BCOR: variants seen among roughly 807,000 people sequenced by gnomAD.
The protein encoded by BCOR is BCL6 corepressor, also known as BCL-6 corepressor.
A neutral mutation model predicts 86.7 loss-of-function variants in BCOR; 10 were observed. The observed-to-expected ratio is 0.12, with a 90% CI of 0.07 to 0.20. BCOR has a LOEUF of 0.20. BCOR is among the 10% of genes least tolerant of loss of function. BCOR has a pLI of 1.00. For missense variants in BCOR, 1,259 were observed against 1,452.1 expected, an observed-to-expected ratio of 0.87 and a Z score of 2.16; for synonymous variants, 611 against 609.0, an observed-to-expected ratio of 1.00 and a Z score of -0.05.
chrX:40,139,396 TATATATATATATATATATAATATATATAC>T lies in BCOR; in HGVS notation c.-41+37582_-41+37610del, dbSNP rs1569192160. Among the ~76,000 whole-genome samples the T allele has an allele frequency of 1.0e-3, 11 of 10,912 alleles. 3 individuals are homozygous for T. The South Asian group carries it at 0.011, about 11-fold the overall frequency. 9.5% of individuals were successfully genotyped at this position (10,912 alleles called of 115,157 possible). A position where few individuals can be genotyped will look rare whatever the true frequency, so the allele number is the denominator to read the frequency against. On this transcript the variant is annotated intron_variant, in intron 1 of 14. Coordinates refer to the BCOR transcript ENST00000342274. ...TATATATATATATAATATATATACA[TATATATATATATATATATAATATATATAC>T]ATATATATATATATATATATAATAT...
intron 1 of BCOR, among the ~76,000 whole-genome samples, chrX:40,156,018 G>A (rs960914732): frequency 8.8e-6 from 1 of 113,349 alleles, no homozygotes; most frequent in African/African-American, 3.2e-5. Flanking sequence ...AGCTCACTTA[G>A]GAATCCGCGC....
At chrX:40,113,059 C>T (rs1196269758) in intron 1 of BCOR, among the ~76,000 whole-genome samples, 1 of 106,165 alleles carries the variant, frequency 9.4e-6, no homozygotes, top group Non-Finnish European at 1.9e-5. Flanking sequence ...CCTACATCCA[C>T]CTGAGGCCAG....
At chrX:40,076,874 A>G (rs1935831703) in intron 2 of BCOR, 1 of 330,042 alleles carries the variant, frequency 3.0e-6, no homozygotes, top group African/African-American at 2.6e-5. Flanking sequence ...CGGCTGTCCC[A>G]GCCAACCCTT....
intron 9 of BCOR, 108 bp from the exon 10 acceptor site, chrX:40,062,501 A>C: frequency 1.1e-6 from 1 of 944,452 alleles, no homozygotes; most frequent in Non-Finnish European, 1.5e-6. Context: ...GAGGCACTTT[A>C]TTCCTTATCT....
At chrX:40,127,909 T>TAAATAAATAAA (rs397716132) in intron 1 of BCOR, among the ~76,000 whole-genome samples, 6 of 96,599 alleles carry the variant, frequency 6.2e-5, no homozygotes, top group East Asian at 3.1e-4. Flanking sequence ...AATAAATAAA[T>TAAATAAATAAA]TTAAAAAAAA....
At chrX:40,123,380 T>G (rs1175907969) in intron 1 of BCOR, among the ~76,000 whole-genome samples, 1 of 109,002 alleles carries the variant, frequency 9.2e-6, no homozygotes, top group East Asian at 2.9e-4. Context: ...TTGAGACAGT[T>G]TCACTCTTGT....
chrX:40,096,316 C>G (rs1457481603), intron 1 of BCOR, among the ~76,000 whole-genome samples: 1 of 111,788 alleles, frequency 8.9e-6, no homozygotes, highest in South Asian at 3.7e-4. Context: ...ACGCTGCCCC[C>G]GCACAAGCAC....
At position 40,073,536 on chromosome X, in the gene BCOR, T is replaced by C. The variant is rs762433029; in HGVS notation, c.1810A>G (p.Thr604Ala). The C allele has an allele frequency of 1.4e-5, 17 of 1,210,943 alleles. No homozygotes were observed. The South Asian group carries it at 3.0e-4, about 21-fold the overall frequency. ...GTGCTGCTACTGTGCTTGGCAGGAG[T>C]GGCCGGGGGCTGGCCCACGTGCTGA... ...VIQHVGQPPA[T>A]PAKHSSSTSS... Residue 604 changes from threonine (T) to alanine (A), a missense_variant, in exon 4 of 15, where the codon ACT becomes GCT. Physicochemically the swap from Thr to Ala is moderately conservative, Grantham distance 58. Coordinates refer to ENST00000378444, the MANE Select transcript of BCOR (RefSeq NM_001123385.2).
chrX:40,066,421 G>C (rs1935204633), intron 6 of BCOR, among the ~76,000 whole-genome samples: 2 of 111,411 alleles, frequency 1.8e-5, no homozygotes, highest in South Asian at 7.6e-4. Context: ...TTACAGTTTG[G>C]CCCCCTTGAG....
intron 1 of BCOR, among the ~76,000 whole-genome samples, chrX:40,131,408 G>A (rs1239984643): frequency 8.9e-6 from 1 of 112,509 alleles, no homozygotes; most frequent in East Asian, 2.8e-4. Context: ...TGCAATCCCA[G>A]CACTTTGTAA....
Position 40,072,787 on chromosome X carries a change from G to A in BCOR, c.2559C>T (p.Ile853=), listed in dbSNP as rs768103455. The A allele has an allele frequency of 5.8e-6, 7 of 1,209,903 alleles. No homozygotes were observed. The African/African-American group carries it at 7.0e-5, about 12-fold the overall frequency. Residue 853 remains isoleucine (I), a synonymous_variant, in exon 4 of 15, where the codon ATC becomes ATT. Transcript: ENST00000378444. ...TGCGCCCCAACTCCTCTCTCAGGGCGATGAAATCACGGTGCTGCTGCAGGG... is the reference window on the plus strand; with the variant it reads ...TGCGCCCCAACTCCTCTCTCAGGGCAATGAAATCACGGTGCTGCTGCAGGG... ...EPALQQHRDF[I]ALREELGRIS...
At position 40,071,114 on chromosome X, in the gene BCOR, C is replaced by A; in HGVS notation, c.3097G>T (p.Gly1033Cys). 2 of 1,210,116 alleles carry A rather than the reference C, an allele frequency of 1.7e-6. No homozygotes were observed. The highest frequency in any genetic ancestry group is 2.2e-6 in the Non-Finnish European group (2 of 894,976). ...GAGTCTTTGGTTGCTGGGTGGCCAC[C>A]TTCTCTTTCTTTCATCTCCAACTCT... ...FSELEMKERE[G>C]GHPATKDSEM... Residue 1033 changes from glycine to cysteine, a missense_variant, in exon 6 of 15, where the codon GGT becomes TGT. By Grantham distance (159) the Gly-to-Cys change is radical (BLOSUM62 -3). Around this residue, in one of 7 missense-constraint regions of BCOR, gnomAD observed 56 missense variants for 106.6 expected, o/e 0.53. Coordinates refer to ENST00000378444, the MANE Select transcript of BCOR (RefSeq NM_001123385.2).
chrX:40,153,758 A>T (rs1423214769), intron 1 of BCOR, among the ~76,000 whole-genome samples: 1 of 112,604 alleles, frequency 8.9e-6, no homozygotes, highest in Non-Finnish European at 1.9e-5. Flanking sequence ...ATCAGAGTGC[A>T]GCCGCGGGGG....
At chrX:40,114,950 T>C (rs760450076) in intron 1 of BCOR, among the ~76,000 whole-genome samples, 26 of 106,111 alleles carry the variant, frequency 2.5e-4, no homozygotes, top group African/African-American at 9.0e-4. Context: ...CCTCCCGGGT[T>C]CATGCCATTC....
chrX:40,093,811 C>T (rs1936721221), intron 1 of BCOR, among the ~76,000 whole-genome samples: 2 of 111,835 alleles, frequency 1.8e-5, no homozygotes, highest in South Asian at 7.5e-4. Flanking sequence ...ACCTTCCCGT[C>T]CTTGAACACC....
chrX:40,174,756 C>G (rs1938705600), intron 1 of BCOR, among the ~76,000 whole-genome samples: 1 of 112,803 alleles, frequency 8.9e-6, no homozygotes, highest in Non-Finnish European at 1.9e-5. Flanking sequence ...ACTGGCTGCG[C>G]CGATAGTGCT....
At chrX:40,078,066 T>A in intron 1 of BCOR, 97 bp from the exon 2 acceptor site, 1 of 541,747 alleles carries the variant, frequency 1.8e-6, no homozygotes, top group Non-Finnish European at 3.2e-6. Flanking sequence ...TCATAAAGGA[T>A]GCAGATGGGG....
rs1935569862 is a variant in BCOR at position 40,073,116 on chromosome X, C to G, written c.2230G>C (p.Glu744Gln). The G allele has an allele frequency of 1.7e-6, 2 of 1,212,047 alleles. No homozygotes were observed. Among genetic ancestry groups the G allele is most frequent in the Non-Finnish European group, 2.2e-6 (2 of 895,601 alleles). The part of the protein sequence containing the change: ...PIEITKEEKP[E>Q]RRSRSHERAR... ...CTCTCATGGGACCGGGATCTCCTCT[C>G]TGGTTTCTCCTCTTTAGTAATCTCT... Residue 744 changes from glutamate to glutamine, a missense_variant, in exon 4 of 15, where the codon GAG becomes CAG. Glu to Gln is a conservative substitution (Grantham distance 29). Transcript: ENST00000378444.
intron 1 of BCOR, among the ~76,000 whole-genome samples, chrX:40,154,261 C>T (rs1490264202): frequency 9.3e-6 from 1 of 107,106 alleles, no homozygotes; most frequent in Non-Finnish European, 2.0e-5. Flanking sequence ...TCGCCCCCTC[C>T]CCTCCCCAGG....
Sources: allele counts gnomAD v4.1 joint callset (sites outside exome capture counted in the v4.1 genomes callset), GRCh38; gene constraint gnomAD v4.1.1; regional missense constraint gnomAD v4.1.1; transcripts MANE v1.5; gene names NCBI Gene and HGNC (gene_info 2026-07-23, HGNC 2026-07-21).